Variants in PAK5 observed in about 807,000 individuals in gnomAD.
PAK5 encodes p21 (RAC1) activated kinase 5, also known as serine/threonine-protein kinase PAK 5.
A neutral mutation model predicts 65.9 loss-of-function variants in PAK5; 16 were observed. That is an observed-to-expected ratio of 0.24 (90% CI 0.16 to 0.37). The LOEUF (loss-of-function observed/expected upper bound fraction) is 0.37. PAK5 is among the 10% of genes least tolerant of loss of function. PAK5 has a pLI of 1.00. For missense variants in PAK5, 785 were observed against 903.9 expected (o/e 0.87, Z 1.69); for synonymous variants, 371 against 354.9 (o/e 1.05, Z -0.51).
chr20:9,673,938 A>T (rs528382697), intron 2 of PAK5, among the ~76,000 whole-genome samples: 1 of 152,344 alleles, frequency 6.6e-6, no homozygotes, highest in Non-Finnish European at 1.5e-5. Flanking sequence ...AAATCTGGTG[A>T]GAAAAGTTAA....
intron 2 of PAK5, among the ~76,000 whole-genome samples, chr20:9,668,348 T>G (rs777492442): frequency 1.3e-5 from 2 of 152,232 alleles, no homozygotes; most frequent in South Asian, 2.1e-4. Flanking sequence ...TTGTGATATG[T>G]TGCCTGAAGA....
rs1036156584 is a variant in PAK5, at chr20:9,539,142, T to C, written c.*320A>G. 1.2e-5 allele frequency: 3 copies of C among 249,000 alleles called. No individual in the cohort carries two copies. Among genetic ancestry groups the C allele is most frequent in the Non-Finnish European group, 1.5e-5 (2 of 129,846 alleles). 15.4% of individuals were successfully genotyped at this position (249,000 alleles called of 1,614,324 possible). A position where few individuals can be genotyped will look rare whatever the true frequency, so the allele number is the denominator to read the frequency against. On this transcript the variant is annotated 3_prime_UTR_variant, in exon 10 of 10. Coordinates refer to ENST00000353224, the MANE Select transcript of PAK5 (RefSeq NM_177990.4). The stretch of plus-strand genomic sequence containing the variant: ...TTCTTTCAATATAGAAAATCCTACA[T>C]GTTACCCTGCATGTGGCTAGGATAT...
At position 9,539,507 on chromosome 20, in the gene PAK5, T is replaced by C. The variant is rs1259777963; in HGVS notation, c.2115A>G (p.Pro705=). 2 of 1,613,918 alleles carry C rather than the reference T, an allele frequency of 1.2e-6. No homozygotes were observed. Among genetic ancestry groups the C allele is most frequent in the African/African-American group, 2.7e-5 (2 of 74,920 alleles). ...LGHPFLKLAG[P]PSCIVPLMRQ... ...TCATGAGGGGGACGATGCAAGACGG[T>C]GGACCTGCTAGTTTTAAGAATGGAT... The change falls in exon 10 of 10, where the codon CCA becomes CCG. Residue 705 remains proline, a synonymous_variant. Transcript: ENST00000353224.
intron 1 of PAK5, among the ~76,000 whole-genome samples, chr20:9,799,939 C>CAAAAAAAAAAAAAAAAAAAAAAA (rs71331383): frequency 9.2e-5 from 4 of 43,668 alleles, no homozygotes; most frequent in Non-Finnish European, 1.4e-4. Flanking sequence ...ACTCTGTCTC[C>CAAAAAAAAAAAAAAAAAAAAAAA]AAAAAAAAAA....
chr20:9,626,117 A>G (rs906841284), intron 3 of PAK5, among the ~76,000 whole-genome samples: 6 of 152,232 alleles, frequency 3.9e-5, no homozygotes, highest in Admixed American at 1.3e-4. Flanking sequence ...CCGTTTGAAG[A>G]CAATGAAATT....
chr20:9,822,252 G>A lies in PAK5; in HGVS notation c.-162+16510C>T, dbSNP rs190289903. On this transcript the variant is annotated intron_variant, in intron 1 of 9. Transcript: ENST00000353224. ...TGCAGTGAGCTGAGATCCTGCCACTGCACTCCAGCCTGGGTAACAACAGAG... is the reference window on the plus strand; with the variant it reads ...TGCAGTGAGCTGAGATCCTGCCACTACACTCCAGCCTGGGTAACAACAGAG... Among the ~76,000 whole-genome samples the A allele has an allele frequency of 4.7e-3, 672 of 143,796 alleles. 2 individuals carry two copies. Among genetic ancestry groups the A allele is most frequent in the Non-Finnish European group, 6.7e-3 (448 of 67,198 alleles). The allele number at this position is 143,796 out of a possible 152,430, so 94.3% of individuals were successfully genotyped here.
intron 2 of PAK5, among the ~76,000 whole-genome samples, chr20:9,708,112 T>C (rs773221650): frequency 1.2e-4 from 18 of 152,182 alleles, no homozygotes; most frequent in Admixed American, 6.5e-5. Flanking sequence ...ACAGGAGCAA[T>C]TTTTGTTTTG....
chr20:9,679,861 A>G (rs928198365), intron 2 of PAK5, among the ~76,000 whole-genome samples: 1 of 152,234 alleles, frequency 6.6e-6, no homozygotes, highest in Non-Finnish European at 1.5e-5. Flanking sequence ...AGCGCATCTC[A>G]GGAATGCTGA....
chr20:9,721,653 C>CAAAAAAAAAAA (rs144378083), intron 1 of PAK5, among the ~76,000 whole-genome samples: 1 of 65,522 alleles, frequency 1.5e-5, no homozygotes, highest in Non-Finnish European at 2.6e-5. Context: ...GACTCCATCT[C>CAAAAAAAAAAA]AAAAAAAAAA....
intron 1 of PAK5, among the ~76,000 whole-genome samples, chr20:9,828,699 A>G (rs1218751210): frequency 6.6e-6 from 1 of 152,192 alleles, no homozygotes; most frequent in Non-Finnish European, 1.5e-5. Flanking sequence ...AAACACATGA[A>G]GTTTCCTCTA....
intron 1 of PAK5, among the ~76,000 whole-genome samples, chr20:9,808,626 G>A (rs1339254849): frequency 6.6e-6 from 1 of 152,092 alleles, no homozygotes; most frequent in African/African-American, 2.4e-5. Context: ...CGATCGCAAA[G>A]GAATAAGTAC....
At chr20:9,586,085 G>T (rs919343302) in intron 3 of PAK5, among the ~76,000 whole-genome samples, 2 of 152,162 alleles carry the variant, frequency 1.3e-5, no homozygotes, top group Admixed American at 6.5e-5. Flanking sequence ...GATGGAAATT[G>T]TGAATACAGA....
At chr20:9,563,938 T>C (rs2045631234) in intron 5 of PAK5, among the ~76,000 whole-genome samples, 2 of 152,188 alleles carry the variant, frequency 1.3e-5, no homozygotes, top group South Asian at 4.1e-4. Flanking sequence ...AAATTGCAGC[T>C]GAGTGCATTT....
rs1057019297 is a variant in PAK5, at chr20:9,655,410, C to CT, written c.-11-11072dup. 1.8e-3 allele frequency among the ~76,000 whole-genome samples: 269 copies of CT among 146,898 alleles called. 1 individual carries two copies. Among genetic ancestry groups the CT allele is most frequent in the East Asian group, 0.016 (80 of 5,020 alleles). On this transcript the variant is annotated intron_variant, in intron 2 of 9. Transcript: ENST00000353224. ...CTCTAAGTACATTGTGTGGGACTTG[C>CT]TTTTTTTTTTGAGTCATTTAGCCTA...
chr20:9,656,062 C>T (rs1026267934), intron 2 of PAK5, among the ~76,000 whole-genome samples: 1 of 152,042 alleles, frequency 6.6e-6, no homozygotes, highest in Non-Finnish European at 1.5e-5. Flanking sequence ...GGGAGGTGGA[C>T]AGAATTCATC....
At chr20:9,760,820 C>T (rs2048691607) in intron 1 of PAK5, among the ~76,000 whole-genome samples, 1 of 151,866 alleles carries the variant, frequency 6.6e-6, no homozygotes, top group South Asian at 2.1e-4. Context: ...TACAGGCATG[C>T]ATCACCATGC....
intron 2 of PAK5, among the ~76,000 whole-genome samples, chr20:9,655,036 T>C (rs1460274715): frequency 1.3e-5 from 2 of 152,154 alleles, no homozygotes; most frequent in Non-Finnish European, 2.9e-5. Context: ...CACCATCATT[T>C]CTCTCTTGGG....
intron 2 of PAK5, among the ~76,000 whole-genome samples, chr20:9,682,825 T>C (rs563050100): frequency 1.6e-4 from 24 of 152,302 alleles, no homozygotes; most frequent in Non-Finnish European, 3.1e-4. Context: ...TTTGTACAGC[T>C]CCTCATCCAT....
rs575838283 is a variant in PAK5 at position 9,814,799 on chromosome 20, G to C, written c.-162+23963C>G. On this transcript the variant is annotated intron_variant, in intron 1 of 9. Coordinates refer to ENST00000353224, the MANE Select transcript of PAK5 (RefSeq NM_177990.4). The stretch of plus-strand genomic sequence containing the variant: ...AGGCAACAGCAATGACACGAGGGTG[G>C]ACACCTGGAAGTCATGTGACGCTTT... 1.6e-4 allele frequency among the ~76,000 whole-genome samples: 24 copies of C among 152,278 alleles called. 1 individual carries two copies. Among genetic ancestry groups the C allele is most frequent in the African/African-American group, 5.1e-4 (21 of 41,574 alleles).
Sources: allele counts gnomAD v4.1 joint callset (sites outside exome capture counted in the v4.1 genomes callset), GRCh38; gene constraint gnomAD v4.1.1; transcripts MANE v1.5; gene names NCBI Gene and HGNC (gene_info 2026-07-23, HGNC 2026-07-21).